CLPB: variants seen among roughly 807,000 people sequenced by gnomAD.
The protein encoded by CLPB is ClpB family mitochondrial disaggregase, also known as mitochondrial disaggregase.
Under a neutral mutation model 78.4 loss-of-function variants are expected in CLPB, and 40 were observed. The ratio of observed to expected loss-of-function variants is 0.51; its 90% CI spans 0.40 to 0.66. CLPB has a LOEUF of 0.66. Ranked by LOEUF, CLPB falls within the 30% of genes least tolerant of loss-of-function variation. The pLI is 0.00. For missense variants in CLPB, 780 were observed against 886.9 expected (o/e 0.88, Z 1.53); for synonymous variants, 333 against 348.0 (o/e 0.96, Z 0.48).
At position 72,306,570 on chromosome 11, in the gene CLPB, A is replaced by C. The variant is rs1205204880; in HGVS notation, c.1122+629T>G. Among the ~76,000 whole-genome samples the C allele has an allele frequency of 1.3e-5, 2 of 152,170 alleles. 1 individual carries two copies. The highest frequency in any genetic ancestry group is 4.8e-5 in the African/African-American group (2 of 41,444). On this transcript the variant is annotated intron_variant, in intron 9 of 15. Transcript: ENST00000538039. ...GGCCTTGGAAAGCCTGAGTGTGAAC[A>C]AACAGGGGATGGGGATGGCCCTCTC...
chr11:72,332,506 G>GAAAAAGGAAAGA (rs1185866080), intron 5 of CLPB, among the ~76,000 whole-genome samples: 170 of 151,686 alleles, frequency 1.1e-3, no homozygotes, highest in African/African-American at 3.8e-3. Context: ...GAAAGGAAAG[G>GAAAAAGGAAAGA]AAAAAGGAAA....
At chr11:72,423,508 G>A (rs1347185412) in intron 2 of CLPB, among the ~76,000 whole-genome samples, 2 of 152,138 alleles carry the variant, frequency 1.3e-5, no homozygotes, top group African/African-American at 4.8e-5. Context: ...CATCTCTGCT[G>A]CTGTCATCTT....
intron 3 of CLPB, among the ~76,000 whole-genome samples, chr11:72,401,268 T>C (rs746113132): frequency 2.0e-5 from 3 of 152,000 alleles, no homozygotes; most frequent in Non-Finnish European, 2.9e-5. Flanking sequence ...TGAAACCCCA[T>C]CTCTACTAAA....
chr11:72,319,760 G>C (rs1312308128), intron 6 of CLPB, among the ~76,000 whole-genome samples: 5 of 152,148 alleles, frequency 3.3e-5, no homozygotes, highest in Non-Finnish European at 5.9e-5. Flanking sequence ...AGCATTAAGA[G>C]GTAGTCTGAG....
chr11:72,296,678 T>C (rs1470347858), intron 11 of CLPB, among the ~76,000 whole-genome samples: 1 of 152,184 alleles, frequency 6.6e-6, no homozygotes, highest in Non-Finnish European at 1.5e-5. Flanking sequence ...CTCTGCTTAG[T>C]GCTTTTTGTG....
At chr11:72,337,402 CATT>C (rs1318743426) in intron 5 of CLPB, among the ~76,000 whole-genome samples, 1 of 151,134 alleles carries the variant, frequency 6.6e-6, no homozygotes, top group Non-Finnish European at 1.5e-5. Context: ...CAGCAGGAGA[CATT>C]ATTATTTTTT....
intron 4 of CLPB, 34 bp downstream of exon 4, chr11:72,380,247 G>C: frequency 6.7e-7 from 1 of 1,500,518 alleles, no homozygotes; most frequent in Non-Finnish European, 9.3e-7. Context: ...CACAAGAGGA[G>C]AGCTCTCAGA....
At chr11:72,387,016 G>C (rs1855098344) in intron 3 of CLPB, among the ~76,000 whole-genome samples, 2 of 152,180 alleles carry the variant, frequency 1.3e-5, no homozygotes, top group South Asian at 4.1e-4. Flanking sequence ...ATGTCTGATA[G>C]AGAAGTAGTA....
At chr11:72,307,558 G>A (rs996771945) in intron 8 of CLPB, among the ~76,000 whole-genome samples, 1 of 152,138 alleles carries the variant, frequency 6.6e-6, no homozygotes, top group African/African-American at 2.4e-5. Flanking sequence ...GCTTTTTAAA[G>A]CCCAGTACAA....
intron 6 of CLPB, among the ~76,000 whole-genome samples, chr11:72,321,534 T>C (rs1430761099): frequency 6.6e-6 from 1 of 152,194 alleles, no homozygotes; most frequent in Non-Finnish European, 1.5e-5. Context: ...GAAGCCTAGC[T>C]GGGCTCGCTT....
rs1949874183 is a variant in CLPB, at chr11:72,312,983, C to T, written c.988+4123G>A. ...ATGGGACATTCCAGGAAGAAGGCCCCAGTGTGTGTACAACCAAAAAGGCAA... is the reference window on the plus strand; with the variant it reads ...ATGGGACATTCCAGGAAGAAGGCCCTAGTGTGTGTACAACCAAAAAGGCAA... On this transcript the variant is annotated intron_variant, in intron 7 of 15. Transcript: ENST00000538039. This position sits in a 1 kb window ranked among gnomAD's most constrained non-coding sequence, Gnocchi z 4.2. Among the ~76,000 whole-genome samples, 1 of 152,138 alleles carries T rather than the reference C, an allele frequency of 6.6e-6. No individual in the cohort carries two copies. Among genetic ancestry groups the T allele is most frequent in the Admixed American group, 6.5e-5 (1 of 15,272 alleles).
At chr11:72,421,938 T>A (rs756492907) in intron 2 of CLPB, among the ~76,000 whole-genome samples, 1 of 152,194 alleles carries the variant, frequency 6.6e-6, no homozygotes, top group Non-Finnish European at 1.5e-5. Context: ...CAGTGTGTGA[T>A]CTGGACCCTT....
At chr11:72,361,375 C>T (rs558621581) in intron 4 of CLPB, among the ~76,000 whole-genome samples, 13 of 152,348 alleles carry the variant, frequency 8.5e-5, no homozygotes, top group African/African-American at 3.1e-4. Context: ...ATGGCATCTA[C>T]ACTTTTCCCA....
intron 5 of CLPB, among the ~76,000 whole-genome samples, chr11:72,344,506 G>A (rs1232533206): frequency 6.6e-6 from 1 of 152,028 alleles, no homozygotes; most frequent in Non-Finnish European, 1.5e-5. Flanking sequence ...GAGCCACCAT[G>A]CCTGGCCTTC....
At chr11:72,341,471 G>C (rs1950419391) in intron 5 of CLPB, among the ~76,000 whole-genome samples, 1 of 152,218 alleles carries the variant, frequency 6.6e-6, no homozygotes, top group Admixed American at 6.5e-5. Context: ...AACAGAGTGA[G>C]AAGTGATTCA....
At chr11:72,297,596 C>CT (rs1441521135) in intron 11 of CLPB, among the ~76,000 whole-genome samples, 4 of 147,978 alleles carry the variant, frequency 2.7e-5, no homozygotes, top group Non-Finnish European at 5.9e-5. Context: ...GGGTTCTAAT[C>CT]TAACAGATCC....
intron 1 of CLPB, chr11:72,430,607 G>A: frequency 2.0e-6 from 1 of 511,124 alleles, no homozygotes; most frequent in Non-Finnish European, 3.5e-6. Flanking sequence ...ATCATAGAGG[G>A]AATGCAGGTC....
chr11:72,399,690 G>C (rs764762329), intron 3 of CLPB, among the ~76,000 whole-genome samples: 1 of 152,130 alleles, frequency 6.6e-6, no homozygotes, highest in Non-Finnish European at 1.5e-5. Context: ...TCTCTCTCTT[G>C]AGCTTGTGGC....
chr11:72,434,425 A>C lies in CLPB; in HGVS notation c.50T>G (p.Leu17Arg), dbSNP rs751753085. The C allele has an allele frequency of 4.4e-6, 7 of 1,588,276 alleles. No individual in the cohort carries two copies. The African/African-American group carries it at 9.5e-5, about 21-fold the overall frequency. The change falls in exon 1 of 16, where the codon CTC (leucine) becomes CGC (arginine). Residue 17 changes from leucine to arginine, a missense_variant. Coordinates refer to ENST00000538039, the MANE Select transcript of CLPB (RefSeq NM_001258392.3). ...CGTTGGGGACCTGAGCAGCCGGAGGAGTAGCCGTGGCGCCAGTGCTTTTCT... is the reference window on the plus strand; with the variant it reads ...CGTTGGGGACCTGAGCAGCCGGAGGCGTAGCCGTGGCGCCAGTGCTTTTCT... Reference protein sequence around the residue: ...LRRKALAPRLLLRLLRSPTLR... With the variant: ...LRRKALAPRLRLRLLRSPTLR...
Sources: allele counts gnomAD v4.1 joint callset (sites outside exome capture counted in the v4.1 genomes callset), GRCh38; gene constraint gnomAD v4.1.1; non-coding constraint Gnocchi (gnomAD v3.1); transcripts MANE v1.5; gene names NCBI Gene and HGNC (gene_info 2026-07-23, HGNC 2026-07-21).